TIAM2: variants seen among roughly 807,000 people sequenced by gnomAD.
TIAM2 encodes TIAM Rac1 associated GEF 2, also known as rho guanine nucleotide exchange factor TIAM2.
Under a neutral mutation model 152.9 loss-of-function variants are expected in TIAM2, and 80 were observed. That is an observed-to-expected ratio of 0.52 (90% CI 0.44 to 0.63). The LOEUF (loss-of-function observed/expected upper bound fraction) is 0.63, where lower values mean the gene tolerates loss of function less well. Among genes scored for constraint, TIAM2 ranks in the 30% least tolerant of loss-of-function variants. The probability of loss-of-function intolerance (pLI) is 0.00; values close to 1 mark genes in which losing one functional copy is unlikely to be tolerated. For missense variants in TIAM2, 1,965 were observed against 2,120.1 expected (o/e 0.93, Z 1.44); for synonymous variants, 804 against 838.0 (o/e 0.96, Z 0.70).
chr6:155,094,269 C>T (rs1778363550), intron 2 of TIAM2, among the ~76,000 whole-genome samples: 1 of 152,196 alleles, frequency 6.6e-6, no homozygotes, highest in Admixed American at 6.5e-5. Flanking sequence ...CCACTCCACA[C>T]AGTCTTCCCA....
chr6:155,000,198 A>G (rs181416708), intron 1 of TIAM2, among the ~76,000 whole-genome samples: 50 of 152,272 alleles, frequency 3.3e-4, no homozygotes, highest in Non-Finnish European at 2.4e-4. Context: ...AACTCCCTCA[A>G]TGTTAAACAT....
At position 155,215,337 on chromosome 6, in the gene TIAM2, T is replaced by G. The variant is rs73577455; in HGVS notation, c.3168+4030T>G. ...CAATCAGGTTGAAATTGGGGCCGTCTGAGCTTCAATTTTCATTGTTAAAAG... is the reference window on the plus strand; with the variant it reads ...CAATCAGGTTGAAATTGGGGCCGTCGGAGCTTCAATTTTCATTGTTAAAAG... On this transcript the variant is annotated intron_variant, in intron 15 of 26. Coordinates refer to ENST00000682666, the MANE Select transcript of TIAM2 (RefSeq NM_012454.4). 2.2e-3 allele frequency among the ~76,000 whole-genome samples: 340 copies of G among 152,334 alleles called. 1 individual carries two copies. The highest frequency in any genetic ancestry group is 7.9e-3 in the African/African-American group (328 of 41,570).
intron 15 of TIAM2, among the ~76,000 whole-genome samples, 167 bp from the exon 16 acceptor site, chr6:155,240,363 G>A (rs781686191): frequency 2.0e-5 from 3 of 152,216 alleles, no homozygotes; most frequent in Non-Finnish European, 4.4e-5. Flanking sequence ...ACTCAGATCC[G>A]AAATGATAGC....
At chr6:155,140,523 G>A (rs537209689) in intron 5 of TIAM2, among the ~76,000 whole-genome samples, 9 of 151,176 alleles carry the variant, frequency 6.0e-5, no homozygotes, top group Non-Finnish European at 1.2e-4. Context: ...TAGTGGTGGG[G>A]GTTAGACTGG....
intron 9 of TIAM2, 99 bp downstream of exon 9, chr6:155,165,508 A>T: frequency 6.7e-7 from 1 of 1,497,508 alleles, no homozygotes; most frequent in South Asian, 1.4e-5. Flanking sequence ...CTCTGTTAAG[A>T]ATGAAATGAG....
At chr6:155,118,239 G>A (rs1288899180) in intron 2 of TIAM2, among the ~76,000 whole-genome samples, 1 of 151,970 alleles carries the variant, frequency 6.6e-6, no homozygotes, top group East Asian at 1.9e-4. Context: ...CCTGGTGCTT[G>A]GGACCTGCAC....
At chr6:155,246,628 G>A (rs564052700) in intron 19 of TIAM2, among the ~76,000 whole-genome samples, 6 of 152,014 alleles carry the variant, frequency 3.9e-5, no homozygotes, top group Non-Finnish European at 8.8e-5. Flanking sequence ...GAGCCACCAC[G>A]CCTGGCCCAC....
At chr6:155,083,596 T>C (rs1778118059) in intron 1 of TIAM2, among the ~76,000 whole-genome samples, 1 of 152,194 alleles carries the variant, frequency 6.6e-6, no homozygotes, top group Non-Finnish European at 1.5e-5. Flanking sequence ...TAAATATGTG[T>C]AATTCTTGGG....
chr6:155,069,911 CTTTTTTTT>C (rs36093906), intron 1 of TIAM2, among the ~76,000 whole-genome samples: 2 of 125,654 alleles, frequency 1.6e-5, no homozygotes, highest in African/African-American at 5.8e-5. Context: ...CATTTCTTTT[CTTTTTTTT>C]TTTTTTTTTT....
chr6:154,999,226 T>TTA (rs1778272377), intron 1 of TIAM2, among the ~76,000 whole-genome samples: 1 of 89,650 alleles, frequency 1.1e-5, no homozygotes, highest in Admixed American at 1.2e-4. Flanking sequence ...TTAATTAATT[T>TTA]TTTTGAGACA....
intron 1 of TIAM2, among the ~76,000 whole-genome samples, chr6:155,072,386 C>T (rs1033978033): frequency 6.6e-6 from 1 of 152,054 alleles, no homozygotes; most frequent in Admixed American, 6.6e-5. Flanking sequence ...GAGAGGGAGG[C>T]ATACATTAAA....
chr6:155,137,786 C>T (rs1329222856), intron 5 of TIAM2, among the ~76,000 whole-genome samples, 174 bp downstream of exon 5: 1 of 152,202 alleles, frequency 6.6e-6, no homozygotes, highest in Non-Finnish European at 1.5e-5. Context: ...TAGGCTTTAC[C>T]TACTATTCAC....
In TIAM2 at chr6:155,179,405, C is replaced by T. The variant is rs116039441; in HGVS notation, c.2656C>T (p.Leu886=). The change falls in exon 12 of 27, where the codon CTA becomes TTA. Residue 886 remains leucine, a synonymous_variant. Transcript: ENST00000682666. ...TTATGATGAAATAGAAGTCTTTCCA[C>T]TAAATGTTTATGACGTGCAGCTCAC... is the stretch of plus-strand genomic sequence containing the variant. ...QVYDEIEVFP[L]NVYDVQLTKT... 365 of 1,613,888 alleles carry T rather than the reference C, an allele frequency of 2.3e-4. No individual in the cohort carries two copies. In the African/African-American group the frequency reaches 4.3e-3, roughly 19 times the overall value.
At chr6:155,004,645 C>T (rs767722294) in intron 1 of TIAM2, among the ~76,000 whole-genome samples, 2 of 152,148 alleles carry the variant, frequency 1.3e-5, no homozygotes, top group African/African-American at 2.4e-5. Flanking sequence ...CTGCCCGCCT[C>T]GGTCTCCCAA....
intron 14 of TIAM2, among the ~76,000 whole-genome samples, chr6:155,210,241 TTTAC>T (rs1781688642): frequency 6.6e-6 from 1 of 152,000 alleles, no homozygotes; most frequent in Non-Finnish European, 1.5e-5. Context: ...TAATTTTTAA[TTTAC>T]TTAAATTTTA....
intron 14 of TIAM2, among the ~76,000 whole-genome samples, chr6:155,195,590 A>G (rs567722068): frequency 6.6e-6 from 1 of 152,266 alleles, no homozygotes; most frequent in South Asian, 2.1e-4. Flanking sequence ...CATACAGAGT[A>G]AGCGGGAACC....
At chr6:155,161,838 G>A (rs1562337251) in intron 7 of TIAM2, among the ~76,000 whole-genome samples, 1 of 151,696 alleles carries the variant, frequency 6.6e-6, no homozygotes, top group Non-Finnish European at 1.5e-5. Context: ...TCGGCCTCCC[G>A]AAGTGCTGGG....
chr6:155,024,720 G>A (rs1776564814), intron 1 of TIAM2, among the ~76,000 whole-genome samples: 1 of 151,260 alleles, frequency 6.6e-6, no homozygotes, highest in Non-Finnish European at 1.5e-5. Flanking sequence ...AATCATAGGA[G>A]AGCCAAGAAA....
intron 14 of TIAM2, among the ~76,000 whole-genome samples, chr6:155,197,575 A>G (rs945498767): frequency 4.6e-5 from 7 of 152,270 alleles, no homozygotes; most frequent in African/African-American, 1.7e-4. Flanking sequence ...GCTAATACAG[A>G]CATACCCGAG....
Sources: gnomAD v4.1 joint callset for allele counts (sites outside exome capture counted in the v4.1 genomes callset) on GRCh38, gnomAD v4.1.1 for gene constraint, MANE v1.5 for transcripts, NCBI Gene and HGNC (gene_info 2026-07-23, HGNC 2026-07-21) for gene names.